The following PIP4P2 variants were observed in gnomAD, a reference collection of about 807,000 sequenced individuals.
The protein encoded by PIP4P2 is phosphatidylinositol-4,5-bisphosphate 4-phosphatase 2.
A neutral mutation model predicts 33.3 loss-of-function variants in PIP4P2; 19 were observed. The ratio of observed to expected loss-of-function variants is 0.57; its 90% CI spans 0.40 to 0.84. PIP4P2 has a LOEUF of 0.84. Among genes scored for constraint, PIP4P2 ranks in the 40% least tolerant of loss-of-function variants. The pLI, the probability that PIP4P2 is intolerant of heterozygous loss-of-function variation, is 0.00. For synonymous variants in PIP4P2, 110 were observed against 111.9 expected, an observed-to-expected ratio of 0.98 and a Z score of 0.11; for missense variants, 270 against 324.7, an observed-to-expected ratio of 0.83 and a Z score of 1.29.
intron 1 of PIP4P2, among the ~76,000 whole-genome samples, chr8:91,034,656 C>T (rs560061919): frequency 7.2e-5 from 11 of 152,314 alleles, no homozygotes; most frequent in African/African-American, 2.6e-4. Flanking sequence ...CTCAAATATC[C>T]TGCATCCTTT....
chr8:91,026,458 C>G (rs1261019121), intron 1 of PIP4P2, among the ~76,000 whole-genome samples: 1 of 152,126 alleles, frequency 6.6e-6, no homozygotes, highest in Non-Finnish European at 1.5e-5. Context: ...AGTGCTTCTT[C>G]AGAAGTCATA....
At chr8:91,032,759 C>A (rs1319385600) in intron 1 of PIP4P2, among the ~76,000 whole-genome samples, 2 of 120,708 alleles carry the variant, frequency 1.7e-5, no homozygotes, top group Non-Finnish European at 3.3e-5. Context: ...CCAGCCTGGG[C>A]AACAGAGTGA....
chr8:91,036,615 T>G (rs1194172702), intron 1 of PIP4P2, among the ~76,000 whole-genome samples: 2 of 152,186 alleles, frequency 1.3e-5, no homozygotes, highest in Non-Finnish European at 2.9e-5. Flanking sequence ...CCCGAATTAT[T>G]ACAATAATCA....
At chr8:90,997,823 G>A (rs778917806) in intron 5 of PIP4P2, among the ~76,000 whole-genome samples, 3 of 151,970 alleles carry the variant, frequency 2.0e-5, no homozygotes, top group Non-Finnish European at 2.9e-5. Flanking sequence ...TCACTTACTA[G>A]GCATGATTTA....
At chr8:90,999,992 T>C (rs925753076) in intron 5 of PIP4P2, among the ~76,000 whole-genome samples, 6 of 152,042 alleles carry the variant, frequency 3.9e-5, no homozygotes, top group Non-Finnish European at 8.8e-5. Flanking sequence ...ACTTCTTTTA[T>C]ATTGACCATG....
At chr8:91,031,713 G>A (rs905139673) in intron 1 of PIP4P2, among the ~76,000 whole-genome samples, 1 of 152,114 alleles carries the variant, frequency 6.6e-6, no homozygotes, top group Non-Finnish European at 1.5e-5. Flanking sequence ...TTTTACAAGA[G>A]TCATGTAACA....
chr8:91,023,312 C>T (rs964853369), intron 1 of PIP4P2, among the ~76,000 whole-genome samples: 1 of 151,956 alleles, frequency 6.6e-6, no homozygotes, highest in South Asian at 2.1e-4. Flanking sequence ...CTCTATCTTA[C>T]ACAGTATGAT....
chr8:91,023,911 G>A (rs1812045509), intron 1 of PIP4P2, among the ~76,000 whole-genome samples: 1 of 151,758 alleles, frequency 6.6e-6, no homozygotes, highest in Admixed American at 6.6e-5. Flanking sequence ...TTTTTGCTAC[G>A]ACTTTCAAAT....
intron 3 of PIP4P2, 92 bp from the exon 4 acceptor site, chr8:91,018,605 T>C (rs1811954622): frequency 5.2e-6 from 8 of 1,541,032 alleles, no homozygotes; most frequent in Non-Finnish European, 7.1e-6. Context: ...AAATGTGCTA[T>C]ACTTGTTTCA....
chr8:91,033,963 T>C (rs1812203398), intron 1 of PIP4P2, among the ~76,000 whole-genome samples: 2 of 151,938 alleles, frequency 1.3e-5, no homozygotes, highest in African/African-American at 2.4e-5. Context: ...GTTTTTAAAA[T>C]AGCAAGTGTT....
chr8:91,006,458 T>A lies in PIP4P2; in HGVS notation c.539+2285A>T, dbSNP rs185076947. On this transcript the variant is annotated intron_variant, in intron 5 of 6. Coordinates refer to ENST00000285419, the MANE Select transcript of PIP4P2 (RefSeq NM_018710.3). ...AATCACGGAGTATTCAGACATTCAA[T>A]ACTTCCTTATTAGTAGTAAAAATAT... Among the ~76,000 whole-genome samples, 214 of 152,358 alleles carry A rather than the reference T, an allele frequency of 1.4e-3. 1 individual carries two copies. The highest frequency in any genetic ancestry group is 2.3e-3 in the Non-Finnish European group (154 of 68,028).
Position 91,015,301 on chromosome 8 carries a change from G to A in PIP4P2, c.486+3089C>T, listed in dbSNP as rs1199001643. On this transcript the variant is annotated intron_variant, in intron 4 of 6. Coordinates refer to ENST00000285419, the MANE Select transcript of PIP4P2 (RefSeq NM_018710.3). The stretch of plus-strand genomic sequence containing the variant: ...CTGACAGCTTTACAAAGAAAGAAGA[G>A]GAGGAGGAGCAGGAAGAGGATAAGG... Among the ~76,000 whole-genome samples the A allele has an allele frequency of 1.3e-5, 2 of 151,708 alleles. 1 individual carries two copies.
At chr8:90,999,555 T>A (rs936357859) in intron 5 of PIP4P2, among the ~76,000 whole-genome samples, 1 of 152,040 alleles carries the variant, frequency 6.6e-6, no homozygotes. Flanking sequence ...TTTGTTCACA[T>A]TCCATTGGTC....
At chr8:91,004,258 T>G (rs1251881068) in intron 5 of PIP4P2, among the ~76,000 whole-genome samples, 1 of 151,668 alleles carries the variant, frequency 6.6e-6, no homozygotes, top group Admixed American at 6.6e-5. Context: ...GGAGTTCTGA[T>G]GTTCAAGGGC....
At chr8:91,012,026 G>A (rs1246181899) in intron 4 of PIP4P2, among the ~76,000 whole-genome samples, 2 of 151,750 alleles carry the variant, frequency 1.3e-5, no homozygotes, top group Non-Finnish European at 2.9e-5. Flanking sequence ...TCTCTCTCAG[G>A]AGAGAGAGCT....
chr8:91,000,742 G>T (rs1811689058), intron 5 of PIP4P2, among the ~76,000 whole-genome samples: 1 of 151,596 alleles, frequency 6.6e-6, no homozygotes, highest in African/African-American at 2.4e-5. Flanking sequence ...ATCCTGCTTG[G>T]ATTTCATTGT....
chr8:91,015,372 C>G (rs190179235), intron 4 of PIP4P2, among the ~76,000 whole-genome samples: 32 of 152,126 alleles, frequency 2.1e-4, no homozygotes, highest in Non-Finnish European at 3.5e-4. Flanking sequence ...GAGGAGGAGA[C>G]AGTTTTCACC....
chr8:90,995,689 G>A lies in PIP4P2; in HGVS notation c.762C>T (p.His254=), dbSNP rs144703182. The A allele has an allele frequency of 7.4e-6, 12 of 1,611,518 alleles. No homozygotes were observed. Among genetic ancestry groups the A allele is most frequent in the Admixed American group, 1.7e-5 (1 of 59,534 alleles). The change falls in exon 7 of 7, where the codon CAC becomes CAT. Residue 254 remains histidine, a synonymous_variant. Transcript: ENST00000285419. The part of the protein sequence containing the change: ...WGAIRVSYPE[H]SFA ...ATCATAAACAAGCTTATGCAAAACT[G>A]TGTTCTGGATAACTGACTCTTATGG...
intron 5 of PIP4P2, among the ~76,000 whole-genome samples, chr8:91,007,832 C>G (rs185998569): frequency 6.6e-6 from 1 of 152,136 alleles, no homozygotes; most frequent in African/African-American, 2.4e-5. Flanking sequence ...AACATAAATT[C>G]CATTCAAACA....
Sources: gnomAD v4.1 joint callset for allele counts (sites outside exome capture counted in the v4.1 genomes callset) on GRCh38, gnomAD v4.1.1 for gene constraint, MANE v1.5 for transcripts, NCBI Gene and HGNC (gene_info 2026-07-23, HGNC 2026-07-21) for gene names.